The following LONP1 variants were observed in gnomAD, a reference collection of about 807,000 sequenced individuals.
LONP1 encodes the protein lon protease homolog, mitochondrial.
In LONP1, 31 loss-of-function variants were observed where a neutral mutation model predicts 98.5. The ratio of observed to expected loss-of-function variants is 0.31; its 90% CI spans 0.24 to 0.42. LONP1 has a LOEUF of 0.42. Among genes scored for constraint, LONP1 ranks in the 20% least tolerant of loss-of-function variants. LONP1 has a pLI of 1.00. For synonymous variants in LONP1, 781 were observed against 594.7 expected (o/e 1.31, Z -4.56); for missense variants, 1,336 against 1,350.6 (o/e 0.99, Z 0.17).
intron 8 of LONP1, among the ~76,000 whole-genome samples, chr19:5,705,155 CTG>C (rs1412353411): frequency 6.9e-6 from 1 of 145,686 alleles, no homozygotes; most frequent in African/African-American, 2.6e-5. Context: ...GAGCAAGACT[CTG>C]TCTTAAAAAA....
At chr19:5,699,451 C>T (rs2055001943) in intron 9 of LONP1, among the ~76,000 whole-genome samples, 1 of 152,102 alleles carries the variant, frequency 6.6e-6, no homozygotes. Context: ...GGCCACCCGG[C>T]AGTGCCAGGC....
intron 8 of LONP1, among the ~76,000 whole-genome samples, chr19:5,705,549 GC>G (rs1469896728): frequency 2.6e-5 from 4 of 152,130 alleles, no homozygotes; most frequent in African/African-American, 9.6e-5. Context: ...ACAGGCCCTG[GC>G]CACCAGCTCA....
At chr19:5,709,965 C>T (rs1003936409) in intron 4 of LONP1, among the ~76,000 whole-genome samples, 35 of 150,668 alleles carry the variant, frequency 2.3e-4, no homozygotes, top group Non-Finnish European at 3.5e-4. Flanking sequence ...AGGGGTCTTG[C>T]CAGTTCTAAT....
At chr19:5,705,499 G>T (rs2055130146) in intron 8 of LONP1, among the ~76,000 whole-genome samples, 1 of 150,684 alleles carries the variant, frequency 6.6e-6, no homozygotes, top group South Asian at 2.1e-4. Context: ...TTAGAGCCAG[G>T]CGTCCCTGGG....
intron 13 of LONP1, 95 bp downstream of exon 13, chr19:5,695,959 G>A (rs1051008811): frequency 3.2e-5 from 35 of 1,107,432 alleles, no homozygotes; most frequent in East Asian, 1.5e-4. Flanking sequence ...TGTCTCTCCC[G>A]GGCCCAGGAG....
At chr19:5,698,968 C>T (rs868623168) in intron 10 of LONP1, 59 bp downstream of exon 10, 17 of 1,503,972 alleles carry the variant, frequency 1.1e-5, no homozygotes, top group Middle Eastern at 1.8e-4. Context: ...CCGGAGAAGA[C>T]GAAGCCCGGC....
intron 8 of LONP1, among the ~76,000 whole-genome samples, chr19:5,703,302 GC>G (rs2055090442): frequency 6.6e-6 from 1 of 152,148 alleles, no homozygotes; most frequent in South Asian, 2.1e-4. Context: ...ACTGGCTTCT[GC>G]CCAGGGCTGA....
chr19:5,693,206 G>C lies in LONP1; in HGVS notation c.2703+92C>G, dbSNP rs78219447. 2,137 of 1,467,638 alleles carry C rather than the reference G, an allele frequency of 1.5e-3. 22 individuals are homozygous for C. The African/African-American group carries it at 0.025, about 17-fold the overall frequency. 90.9% of individuals were successfully genotyped at this position (1,467,638 alleles called of 1,614,324 possible). On this transcript the variant is annotated intron_variant, in intron 17 of 17. Coordinates refer to ENST00000360614, the MANE Select transcript of LONP1 (RefSeq NM_004793.4). ...CAAAGCCCAGGGCTTCCCTCTCCTT[G>C]GCCCAGGCAGAGGTTGCATGGCGGG...
intron 3 of LONP1, 108 bp from the exon 4 acceptor site, chr19:5,712,110 A>T (rs1599476727): frequency 1.1e-6 from 1 of 876,056 alleles, no homozygotes; most frequent in African/African-American, 1.7e-5. Context: ...CTGAGCCCAG[A>T]CCTCTGGAGC....
Position 5,711,969 on chromosome 19 carries a change from G to C in LONP1, c.672C>G (p.Pro224=), listed in dbSNP as rs776203533. The C allele has an allele frequency of 1.2e-6, 2 of 1,612,916 alleles. No individual in the cohort carries two copies. The highest frequency in any genetic ancestry group is 1.7e-6 in the Non-Finnish European group (2 of 1,179,912). ...GCTTGTTCTCCGCCTCCGGCTCCTCGGGCTCCACCTCCAGCTGTCTGCTGA... is the reference window on the plus strand; with the variant it reads ...GCTTGTTCTCCGCCTCCGGCTCCTCCGGCTCCACCTCCAGCTGTCTGCTGA... The part of the protein sequence containing the change: ...VHISRQLEVE[P]EEPEAENKHK... The change falls in exon 4 of 18, where the codon CCC becomes CCG. Residue 224 remains proline, a synonymous_variant. Transcript: ENST00000360614.
chr19:5,705,730 G>C lies in LONP1; in HGVS notation c.1367+42C>G, dbSNP rs987054417. ...GCCTGCCTAAGATGGGGGCTGAGGA[G>C]GGGTCACCTGAGGGCTGGGCCGCCC... On this transcript the variant is annotated intron_variant, in intron 8 of 17. Transcript: ENST00000360614. 7.6e-6 allele frequency: 12 copies of C among 1,580,480 alleles called. No individual in the cohort carries two copies. In the East Asian group the frequency reaches 9.0e-5, roughly 12 times the overall value.
In LONP1 at chr19:5,702,076, G is replaced by T. The variant is rs565416179; in HGVS notation, c.1368-1149C>A. 1.6e-4 allele frequency among the ~76,000 whole-genome samples: 22 copies of T among 141,344 alleles called. No individual in the cohort carries two copies. The South Asian group carries it at 4.5e-3, about 29-fold the overall frequency. 92.7% of individuals were successfully genotyped at this position (141,344 alleles called of 152,430 possible). On this transcript the variant is annotated intron_variant, in intron 8 of 17. Coordinates refer to ENST00000360614, the MANE Select transcript of LONP1 (RefSeq NM_004793.4). ...CAGCCACCCCGTCCGGGAGGGAGGTGGGGGGGTCAGCCCCCCACCCGGCCA... is the reference window on the plus strand; with the variant it reads ...CAGCCACCCCGTCCGGGAGGGAGGTTGGGGGGTCAGCCCCCCACCCGGCCA...
At chr19:5,713,441 C>A (rs1349828780) in intron 2 of LONP1, among the ~76,000 whole-genome samples, 188 bp from the exon 3 acceptor site, 1 of 152,198 alleles carries the variant, frequency 6.6e-6, no homozygotes. Context: ...CCAGGGCTGC[C>A]CCAGTGGTCA....
At chr19:5,700,373 A>G (rs574631084) in intron 9 of LONP1, among the ~76,000 whole-genome samples, 2 of 152,286 alleles carry the variant, frequency 1.3e-5, no homozygotes, top group South Asian at 2.1e-4. Flanking sequence ...TCAGCCTCCC[A>G]AAGTGCTGGG....
rs367852351 is a variant in LONP1 at position 5,696,141 on chromosome 19, C to T, written c.1926G>A (p.Thr642=). 5.4e-5 allele frequency: 87 copies of T among 1,612,798 alleles called. No homozygotes were observed. The highest frequency in any genetic ancestry group is 1.6e-4 in the African/African-American group (12 of 74,900). The change falls in exon 13 of 18, where the codon ACG becomes ACA. Residue 642 remains threonine, a synonymous_variant. Coordinates refer to ENST00000360614, the MANE Select transcript of LONP1 (RefSeq NM_004793.4). The part of the protein sequence containing the change: ...KVLFICTANV[T]DTIPEPLRDR... ...CTCGCAGCGGCTCGGGGATGGTGTCCGTGACGTTGGCCGTGCAGATGAACA... is the reference window on the plus strand; with the variant it reads ...CTCGCAGCGGCTCGGGGATGGTGTCTGTGACGTTGGCCGTGCAGATGAACA...
At chr19:5,716,817 A>C (rs2055331872) in intron 1 of LONP1, among the ~76,000 whole-genome samples, 1 of 152,160 alleles carries the variant, frequency 6.6e-6, no homozygotes, top group Admixed American at 6.5e-5. Flanking sequence ...TTTTTAAGAC[A>C]GAGTCTTGCT....
At chr19:5,706,967 A>G in intron 7 of LONP1, 93 bp downstream of exon 7, 5 of 1,083,430 alleles carry the variant, frequency 4.6e-6, no homozygotes, top group Admixed American at 2.0e-5. Context: ...GGCCGATGCC[A>G]CCGGTCCCTC....
At chr19:5,697,677 C>G (rs2054964102) in intron 10 of LONP1, among the ~76,000 whole-genome samples, 1 of 151,678 alleles carries the variant, frequency 6.6e-6, no homozygotes, top group South Asian at 2.1e-4. Flanking sequence ...ACGTGGGAGC[C>G]CTGGAGAGCT....
In LONP1 at chr19:5,700,752, A is replaced by C. The variant is rs1303161304; in HGVS notation, c.1506+37T>G. The stretch of plus-strand genomic sequence containing the variant: ...ACAAGAGTCCTGGGCCCGGGCACCC[A>C]CATGCAAATCCACAACAGGCCAGAC... On this transcript the variant is annotated intron_variant, in intron 9 of 17. Coordinates refer to ENST00000360614, the MANE Select transcript of LONP1 (RefSeq NM_004793.4). 4 of 1,611,938 alleles carry C rather than the reference A, an allele frequency of 2.5e-6. No homozygotes were observed. The African/African-American group carries it at 5.3e-5, about 22-fold the overall frequency.
Sources: gnomAD v4.1 joint callset for allele counts (sites outside exome capture counted in the v4.1 genomes callset) on GRCh38, gnomAD v4.1.1 for gene constraint, MANE v1.5 for transcripts, NCBI Gene and HGNC (gene_info 2026-07-23, HGNC 2026-07-21) for gene names.